CARF: variants seen among roughly 807,000 people sequenced by gnomAD.
CARF encodes the protein calcium responsive transcription factor, also known as calcium-responsive transcription factor.
In CARF, 57 loss-of-function variants were observed where a neutral mutation model predicts 82.0. That is an observed-to-expected ratio of 0.70 (90% CI 0.56 to 0.87). CARF has a LOEUF of 0.87. CARF is among the 40% of genes least tolerant of loss of function. CARF has a pLI of 0.00. For missense variants in CARF, 771 were observed against 855.8 expected (o/e 0.90, Z 1.24); for synonymous variants, 268 against 290.1 (o/e 0.92, Z 0.77).
In CARF at chr2:202,985,766, T is replaced by C. The variant is rs1033353640; in HGVS notation, c.*2142T>C. 6.6e-6 allele frequency: 1 copy of C among 152,148 alleles called. No homozygotes were observed. The highest frequency in any genetic ancestry group is 2.4e-5 in the African/African-American group (1 of 41,456). The allele number at this position is 152,148 out of a possible 1,614,324, so 9.4% of individuals were successfully genotyped here. ...TACGTCTCAATAGTGGTAATAGTGG[T>C]AATGGTTTATTATTAGCTGTTTCAC... On this transcript the variant is annotated 3_prime_UTR_variant, in exon 17 of 17. Coordinates refer to ENST00000438828, the MANE Select transcript of CARF (RefSeq NM_024744.17).
At position 202,912,558 on chromosome 2, in the gene CARF, G is replaced by T. The variant is rs1444935798; in HGVS notation, c.-874G>T. On this transcript the variant is annotated 5_prime_UTR_variant, in exon 1 of 17. Transcript: ENST00000438828. Reference sequence around the variant, plus strand: ...CAACTGCCGGCCTCCGCCCCCAGCCGCAGCCGGTCACTGGCGGCGCCTTCC... The same window carrying T: ...CAACTGCCGGCCTCCGCCCCCAGCCTCAGCCGGTCACTGGCGGCGCCTTCC... 2 of 151,606 alleles carry T rather than the reference G, an allele frequency of 1.3e-5. No individual in the cohort carries two copies. The highest frequency in any genetic ancestry group is 2.9e-5 in the Non-Finnish European group (2 of 67,868). 9.4% of individuals were successfully genotyped at this position (151,606 alleles called of 1,614,324 possible).
chr2:202,927,323 C>CT (rs146523532), intron 3 of CARF, among the ~76,000 whole-genome samples: 35 of 149,026 alleles, frequency 2.3e-4, no homozygotes, highest in South Asian at 8.5e-4. Context: ...TTAATTCAGT[C>CT]TTTTTTTTTT....
At chr2:202,916,293 G>C (rs1689639825) in intron 1 of CARF, among the ~76,000 whole-genome samples, 1 of 151,944 alleles carries the variant, frequency 6.6e-6, no homozygotes. Flanking sequence ...CGATTCTCCT[G>C]CCTCAACCTC....
At chr2:202,951,988 A>G (rs921594911) in intron 5 of CARF, among the ~76,000 whole-genome samples, 9 of 152,040 alleles carry the variant, frequency 5.9e-5, no homozygotes, top group African/African-American at 4.8e-5. Context: ...GCGTGCCACC[A>G]TGTCCAGCTA....
chr2:202,949,524 TATTA>T lies in CARF; in HGVS notation c.307-3034_307-3031del, dbSNP rs1559227563. Among the ~76,000 whole-genome samples the T allele has an allele frequency of 2.6e-4, 29 of 111,174 alleles. 1 individual carries two copies. Among genetic ancestry groups the T allele is most frequent in the African/African-American group, 7.4e-4 (20 of 26,886 alleles). The allele number at this position is 111,174 out of a possible 152,430, so 72.9% of individuals were successfully genotyped here. A position where few individuals can be genotyped will look rare whatever the true frequency, so the allele number is the denominator to read the frequency against. ...TGACTTTTTGTTATTTATTTATTAT[TATTA>T]TTATTATTATTATTATTATTATTAT... On this transcript the variant is annotated intron_variant, in intron 5 of 16. Transcript: ENST00000438828.
chr2:202,963,861 A>G lies in CARF; in HGVS notation c.832+2435A>G, dbSNP rs150717831. On this transcript the variant is annotated intron_variant, in intron 9 of 16. Transcript: ENST00000438828. ...TGACAGGAGGCAGAGCTCAGGAGGT[A>G]ATGCAAGTGATAGGGAGTGGCTGTA... Among the ~76,000 whole-genome samples, 10 of 152,302 alleles carry G rather than the reference A, an allele frequency of 6.6e-5. No homozygotes were observed. The East Asian group carries it at 1.9e-3, about 29-fold the overall frequency.
At chr2:202,965,017 GT>G (rs1157928171) in intron 9 of CARF, among the ~76,000 whole-genome samples, 1 of 151,434 alleles carries the variant, frequency 6.6e-6, no homozygotes. Context: ...TACCTCACAG[GT>G]TTTTTTTCCT....
chr2:202,971,735 T>G lies in CARF; in HGVS notation c.1328T>G (p.Leu443Arg). Residue 443 changes from leucine to arginine, a missense_variant, in exon 12 of 17, where the codon CTA becomes CGA. Physicochemically the swap from Leu to Arg is moderately radical, Grantham distance 102. Transcript: ENST00000438828. ...IEQVYAVRKQ[L>R]RKFVERELFK... ...CAAGTGTATGCAGTAAGGAAACAGC[T>G]AAGGTACAATAGAAGAGCATTGTTC... The G allele has an allele frequency of 6.3e-7, 1 of 1,598,446 alleles. No individual in the cohort carries two copies. The highest frequency in any genetic ancestry group is 8.6e-7 in the Non-Finnish European group (1 of 1,166,096).
intron 9 of CARF, among the ~76,000 whole-genome samples, chr2:202,964,129 C>T (rs879648828): frequency 6.6e-6 from 1 of 152,038 alleles, no homozygotes; most frequent in Non-Finnish European, 1.5e-5. Context: ...CTGAAAAAAC[C>T]GTTTTCTGAG....
intron 2 of CARF, among the ~76,000 whole-genome samples, chr2:202,921,924 C>T (rs1365856120): frequency 6.6e-6 from 1 of 151,758 alleles, no homozygotes; most frequent in Non-Finnish European, 1.5e-5. Flanking sequence ...CTCCTGAGCT[C>T]AACCAGTCCT....
chr2:202,956,726 C>A (rs2059061839), intron 8 of CARF, among the ~76,000 whole-genome samples: 1 of 152,136 alleles, frequency 6.6e-6, no homozygotes, highest in Non-Finnish European at 1.5e-5. Flanking sequence ...TCCTTAGACA[C>A]CCAGGCATAA....
intron 14 of CARF, 30 bp from the exon 15 acceptor site, chr2:202,981,522 AATT>A: frequency 1.4e-6 from 2 of 1,414,594 alleles, no homozygotes; most frequent in Non-Finnish European, 1.9e-6. Context: ...AAGCCATAAA[AATT>A]ATTTTAATAG....
intron 1 of CARF, among the ~76,000 whole-genome samples, chr2:202,917,282 G>C (rs923321202): frequency 7.4e-6 from 1 of 135,918 alleles, no homozygotes; most frequent in Non-Finnish European, 1.6e-5. Flanking sequence ...CTTTACTTTT[G>C]ATATAAGATA....
intron 3 of CARF, among the ~76,000 whole-genome samples, chr2:202,937,815 G>A (rs566048029): frequency 1.3e-4 from 20 of 151,990 alleles, no homozygotes; most frequent in African/African-American, 4.6e-4. Context: ...AGTAGAGATG[G>A]GGTTTCACCA....
intron 13 of CARF, 73 bp downstream of exon 13, chr2:202,974,569 G>T: frequency 7.1e-7 from 1 of 1,409,972 alleles, no homozygotes; most frequent in South Asian, 1.3e-5. Flanking sequence ...TAATAAGAAT[G>T]GCTAGTGTTA....
intron 2 of CARF, among the ~76,000 whole-genome samples, chr2:202,918,584 T>C (rs1690196308): frequency 6.6e-6 from 1 of 152,104 alleles, no homozygotes; most frequent in Non-Finnish European, 1.5e-5. Flanking sequence ...ACGGAGTTAA[T>C]TGGCAGTTAG....
rs542412444 is a variant in CARF at position 202,918,094 on chromosome 2, C to A, written c.-163+51C>A. On this transcript the variant is annotated intron_variant, in intron 2 of 16. Transcript: ENST00000438828. The stretch of plus-strand genomic sequence containing the variant: ...TAACAACTTTATTTTAAAAAGTTAA[C>A]TATTATCTATTACATGTTTAAAAAG... The A allele has an allele frequency of 1.6e-5, 7 of 437,860 alleles. No homozygotes were observed. The East Asian group carries it at 2.9e-4, about 18-fold the overall frequency. The allele number at this position is 437,860 out of a possible 1,614,324, so 27.1% of individuals were successfully genotyped here. A position where few individuals can be genotyped will look rare whatever the true frequency, so the allele number is the denominator to read the frequency against.
chr2:202,973,336 T>C (rs1296081277), intron 12 of CARF: 1 of 343,048 alleles, frequency 2.9e-6, no homozygotes, highest in Non-Finnish European at 5.5e-6. Flanking sequence ...GGAAGTATAA[T>C]ACAGTTCTGC....
At chr2:202,917,683 T>G (rs945884254) in intron 1 of CARF, among the ~76,000 whole-genome samples, 194 bp from the exon 2 acceptor site, 1 of 152,218 alleles carries the variant, frequency 6.6e-6, no homozygotes, top group East Asian at 1.9e-4. Context: ...AGAGAGATTG[T>G]CACCTGTCCC....
Sources: gnomAD v4.1 joint callset for allele counts (sites outside exome capture counted in the v4.1 genomes callset) on GRCh38, gnomAD v4.1.1 for gene constraint, MANE v1.5 for transcripts, NCBI Gene and HGNC (gene_info 2026-07-23, HGNC 2026-07-21) for gene names.